The following DDX20 variants were observed in gnomAD, a reference collection of about 807,000 sequenced individuals.
DDX20 encodes probable ATP-dependent RNA helicase DDX20.
Under a neutral mutation model 76.4 loss-of-function variants are expected in DDX20, and 61 were observed. The ratio of observed to expected loss-of-function variants is 0.80; its 90% CI spans 0.65 to 0.99. The LOEUF is 0.99. Among genes scored for constraint, DDX20 ranks in the 50% least tolerant of loss-of-function variants. DDX20 has a pLI of 0.00. For synonymous variants in DDX20, 357 were observed against 357.4 expected, an observed-to-expected ratio of 1.00 and a Z score of 0.01; for missense variants, 976 against 996.8, an observed-to-expected ratio of 0.98 and a Z score of 0.28.
At chr1:111,760,307 A>G in intron 3 of DDX20, 167 bp from the exon 4 acceptor site, 1 of 516,914 alleles carries the variant, frequency 1.9e-6, no homozygotes, top group Non-Finnish European at 3.4e-6. Flanking sequence ...AGTCAAGATC[A>G]GAGCTCCAGA....
intron 10 of DDX20, among the ~76,000 whole-genome samples, chr1:111,763,431 G>C (rs1663714315): frequency 6.6e-6 from 1 of 152,144 alleles, no homozygotes. Flanking sequence ...AATTAGCTGG[G>C]CGTGGTGGCA....
chr1:111,761,380 AGT>A, intron 7 of DDX20, 96 bp downstream of exon 7: 1 of 965,202 alleles, frequency 1.0e-6, no homozygotes, highest in Non-Finnish European at 1.6e-6. Context: ...TTGTCTTGAG[AGT>A]GTGAAATTAT....
rs1162794847 is a variant in DDX20 at position 111,756,137 on chromosome 1, G to C, written c.213G>C (p.Arg71=). 1.3e-6 allele frequency: 2 copies of C among 1,581,360 alleles called. No individual in the cohort carries two copies. Among genetic ancestry groups the C allele is most frequent in the Non-Finnish European group, 8.5e-7 (1 of 1,171,818 alleles). Residue 71 remains arginine, a synonymous_variant, in exon 1 of 11, where the codon CGG becomes CGC. Coordinates refer to ENST00000369702, the MANE Select transcript of DDX20 (RefSeq NM_007204.5). ...ACTTCGAGTCACTGCTGCTTTCGCG[G>C]CCGGTGCTGGAGGGGCTGCGGGCGG... ...PADFESLLLS[R]PVLEGLRAAG...
At position 111,756,165 on chromosome 1, in the gene DDX20, G is replaced by C. The variant is rs1268420266; in HGVS notation, c.241G>C (p.Gly81Arg). ...RPVLEGLRAA[G>R]FERPSPVQLK... is the part of the protein sequence containing the mutation. ...GGTGCTGGAGGGGCTGCGGGCGGCC[G>C]GCTTCGAGAGGCCCTCGCCGGTGCA... Residue 81 changes from glycine to arginine, a missense_variant, in exon 1 of 11, where the codon GGC becomes CGC. Physicochemically the swap from Gly to Arg is moderately radical, Grantham distance 125. This residue lies in a region of DDX20 where 343 missense variants were observed against 286.4 expected (regional missense o/e 1.20). Coordinates refer to ENST00000369702, the MANE Select transcript of DDX20 (RefSeq NM_007204.5). The C allele has an allele frequency of 6.5e-7, 1 of 1,546,168 alleles. No homozygotes were observed. Among genetic ancestry groups the C allele is most frequent in the Non-Finnish European group, 8.7e-7 (1 of 1,153,824 alleles).
intron 2 of DDX20, among the ~76,000 whole-genome samples, chr1:111,758,117 C>T (rs956345975): frequency 6.6e-6 from 1 of 152,168 alleles, no homozygotes; most frequent in African/African-American, 2.4e-5. Context: ...CTCAGCCTCC[C>T]AACATGCTGG....
chr1:111,761,334 C>T lies in DDX20; in HGVS notation c.1021+50C>T. 4 of 1,500,904 alleles carry T rather than the reference C, an allele frequency of 2.7e-6. No homozygotes were observed. The South Asian group carries it at 3.6e-5, about 13-fold the overall frequency. 93.0% of individuals were successfully genotyped at this position (1,500,904 alleles called of 1,614,324 possible). A position where few individuals can be genotyped will look rare whatever the true frequency, so the allele number is the denominator to read the frequency against. On this transcript the variant is annotated intron_variant, in intron 7 of 10. Coordinates refer to ENST00000369702, the MANE Select transcript of DDX20 (RefSeq NM_007204.5). ...TTTATTTAGTATACTGACTTGAAGC[C>T]TCCAAAGTCAGGAGGAAAAAATACC...
chr1:111,762,071 A>C, intron 7 of DDX20, 184 bp from the exon 8 acceptor site: 1 of 512,614 alleles, frequency 2.0e-6, no homozygotes, highest in Non-Finnish European at 3.4e-6. Context: ...TGATTGCCTA[A>C]ACCATAGTTT....
intron 7 of DDX20, 29 bp downstream of exon 7, chr1:111,761,313 T>C: frequency 1.3e-6 from 2 of 1,593,172 alleles, no homozygotes; most frequent in South Asian, 1.1e-5. Flanking sequence ...TTAATCTTTA[T>C]TTAGTATACT....
intron 7 of DDX20, chr1:111,761,491 A>G: frequency 2.2e-6 from 1 of 446,550 alleles, no homozygotes; most frequent in Non-Finnish European, 3.9e-6. Context: ...TATATAGTAA[A>G]AAGTTAGAAA....
rs781571919 is a variant in DDX20 at position 111,766,433 on chromosome 1, A to G, written c.2009A>G (p.Asn670Ser). 5 of 1,614,094 alleles carry G rather than the reference A, an allele frequency of 3.1e-6. No individual in the cohort carries two copies. The highest frequency in any genetic ancestry group is 3.3e-5 in the Admixed American group (2 of 60,012). ...AGAACCTCTTCCCAGAGCAAAGGAA[A>G]TAAGTCATACTTGGAAGGCTCTTCT... is the stretch of plus-strand genomic sequence containing the variant. ...SSRTSSQSKG[N>S]KSYLEGSSDN... Residue 670 changes from asparagine (N) to serine (S), a missense_variant, in exon 11 of 11, where the codon AAT (asparagine) becomes AGT (serine). Physicochemically the swap from Asn to Ser is conservative, Grantham distance 46. Around this residue, in one of 3 missense-constraint regions of DDX20, gnomAD observed 630 missense variants for 693.7 expected, o/e 0.91. Transcript: ENST00000369702.
At position 111,763,458 on chromosome 1, in the gene DDX20, A is replaced by C. The variant is rs193013579; in HGVS notation, c.1312+451A>C. Among the ~76,000 whole-genome samples the C allele has an allele frequency of 1.7e-3, 256 of 152,066 alleles. 1 individual carries two copies. The highest frequency in any genetic ancestry group is 6.0e-3 in the African/African-American group (250 of 41,466). On this transcript the variant is annotated intron_variant, in intron 10 of 10. Coordinates refer to ENST00000369702, the MANE Select transcript of DDX20 (RefSeq NM_007204.5). ...GTGGTGGCAGGTGCCTGTAATCCCA[A>C]CTACTTGGGAGGCTGAGGCAGGAGA...
intron 10 of DDX20, among the ~76,000 whole-genome samples, chr1:111,765,096 T>C (rs1038082206): frequency 9.8e-5 from 15 of 152,304 alleles, no homozygotes; most frequent in African/African-American, 3.1e-4. Flanking sequence ...AAGGTCTGAG[T>C]GTGGGAAGCA....
rs950933380 is a variant in DDX20 at position 111,759,348 on chromosome 1, C to G, written c.397-52C>G. ...TGTCATGTAATGAATATACCAGTCC[C>G]CTATGTATTTATTCCTCTGACTCAA... On this transcript the variant is annotated intron_variant, in intron 2 of 10. Transcript: ENST00000369702. 5 of 1,346,656 alleles carry G rather than the reference C, an allele frequency of 3.7e-6. No individual in the cohort carries two copies. The African/African-American group carries it at 7.4e-5, about 20-fold the overall frequency. The allele number at this position is 1,346,656 out of a possible 1,614,324, so 83.4% of individuals were successfully genotyped here.
At position 111,761,033 on chromosome 1, in the gene DDX20, T is replaced by TA; in HGVS notation, c.872dup (p.Val292GlyfsTer3). The TA allele has an allele frequency of 6.2e-7, 1 of 1,613,980 alleles. No individual in the cohort carries two copies. Among genetic ancestry groups the TA allele is most frequent in the Non-Finnish European group, 8.5e-7 (1 of 1,179,916 alleles). On this transcript the variant is annotated frameshift_variant, in exon 6 of 11. Transcript: ENST00000369702. LOFTEE classifies it high-confidence loss of function. Reference sequence around the variant, plus strand: ...TTGTCAATTCATACCCTTTGGCACATAAGGTTTTTGAGGAAAAGACTCAGC... The same window carrying TA: ...TTGTCAATTCATACCCTTTGGCACATAAAGGTTTTTGAGGAAAAGACTCAGC...
rs764757790 is a variant in DDX20 at position 111,760,791 on chromosome 1, A to G, written c.766A>G (p.Lys256Glu). The G allele has an allele frequency of 3.7e-6, 6 of 1,614,010 alleles. No homozygotes were observed. The highest frequency in any genetic ancestry group is 1.7e-4 in the Middle Eastern group (1 of 6,058). ...CGAATTTTTGGCTAATGCTTTGACA[A>G]AGTACATGAGAGATCCCACTTTTGT... ...YPEFLANALT[K>E]YMRDPTFVRL... Residue 256 changes from lysine to glutamate, a missense_variant, in exon 5 of 11, where the codon AAG (lysine) becomes GAG (glutamate). By Grantham distance (56) the Lys-to-Glu change is moderately conservative (BLOSUM62 1). Transcript: ENST00000369702.
In DDX20 at chr1:111,766,151, C is replaced by T. The variant is rs1335399905; in HGVS notation, c.1727C>T (p.Pro576Leu). Residue 576 changes from proline to leucine, a missense_variant, in exon 11 of 11, where the codon CCT (proline) becomes CTT (leucine). Pro to Leu is a moderately conservative substitution (Grantham distance 98). Around this residue, in one of 3 missense-constraint regions of DDX20, gnomAD observed 630 missense variants for 693.7 expected, o/e 0.91. Transcript: ENST00000369702. The stretch of plus-strand genomic sequence containing the variant: ...TTACCTGTGTCACTCCCCCAGATTC[C>T]TTGTCTGTCTTCCTTTAAAATCCAT... ...EALPVSLPQI[P>L]CLSSFKIHQP... 6 of 1,614,084 alleles carry T rather than the reference C, an allele frequency of 3.7e-6. No individual in the cohort carries two copies. The African/African-American group carries it at 6.7e-5, about 18-fold the overall frequency.
At chr1:111,758,067 A>T (rs970375781) in intron 2 of DDX20, among the ~76,000 whole-genome samples, 1 of 152,150 alleles carries the variant, frequency 6.6e-6, no homozygotes, top group South Asian at 2.1e-4. Context: ...CATGTCGGCC[A>T]GGCTGGTCTC....
chr1:111,766,902 A>G lies in DDX20; in HGVS notation c.*3A>G, dbSNP rs1362522992. 2 of 1,601,016 alleles carry G rather than the reference A, an allele frequency of 1.2e-6. No homozygotes were observed. The highest frequency in any genetic ancestry group is 1.1e-5 in the South Asian group (1 of 90,698). On this transcript the variant is annotated 3_prime_UTR_variant, in exon 11 of 11. Coordinates refer to ENST00000369702, the MANE Select transcript of DDX20 (RefSeq NM_007204.5). ...AAATGATGCATAGTAACCAGTGATTATAGGATATACCTGAGACCATCAGGA... is the reference window on the plus strand; with the variant it reads ...AAATGATGCATAGTAACCAGTGATTGTAGGATATACCTGAGACCATCAGGA...
chr1:111,761,452 C>G (rs879062000), intron 7 of DDX20, 168 bp downstream of exon 7: 5 of 559,098 alleles, frequency 8.9e-6, no homozygotes, highest in African/African-American at 7.6e-5. Flanking sequence ...TTTGATATGT[C>G]AATATTCTAT....
Sources: gnomAD v4.1 joint callset for allele counts (sites outside exome capture counted in the v4.1 genomes callset) on GRCh38, gnomAD v4.1.1 for gene constraint, gnomAD v4.1.1 regional missense constraint, MANE v1.5 for transcripts, NCBI Gene and HGNC (gene_info 2026-07-23, HGNC 2026-07-21) for gene names.